Variants in TEX9 observed in about 807,000 individuals in gnomAD.
TEX9 encodes the protein testis-expressed protein 9.
In TEX9, 74 loss-of-function variants were observed where a neutral mutation model predicts 59.6. The ratio of observed to expected loss-of-function variants is 1.24; its 90% CI spans 1.03 to 1.51. TEX9 has a LOEUF of 1.51. TEX9 is among the 40% of genes most tolerant of loss of function. The pLI is 0.00. For synonymous variants in TEX9, 186 were observed against 152.2 expected (o/e 1.22, Z -1.64); for missense variants, 522 against 447.8 (o/e 1.17, Z -1.49).
the TEX9 span, among the ~76,000 whole-genome samples, chr15:56,451,234 C>T: frequency 1.3e-5 from 2 of 152,166 alleles, no homozygotes. Flanking sequence ...TAGGTTAGAA[C>T]AGATATACCC....
intron 12 of TEX9, among the ~76,000 whole-genome samples, chr15:56,443,078 T>C (rs2140355769): frequency 6.6e-6 from 1 of 152,302 alleles, no homozygotes; most frequent in Admixed American, 6.5e-5. Context: ...TTGCTTGTCC[T>C]GAAGTTGACT....
intron 1 of TEX9, among the ~76,000 whole-genome samples, chr15:56,319,088 A>G (rs2045845034): frequency 6.6e-6 from 1 of 152,040 alleles, no homozygotes; most frequent in Admixed American, 6.6e-5. Context: ...TATTGTTCAG[A>G]GAGGAAGTTT....
In TEX9 at chr15:56,426,923, T is replaced by A. The variant is rs572953844; in HGVS notation, c.964-682T>A. Among the ~76,000 whole-genome samples, 147 of 152,086 alleles carry A rather than the reference T, an allele frequency of 9.7e-4. 5 individuals are homozygous for A. The South Asian group carries it at 0.029, about 30-fold the overall frequency. ...TGTCATGGGAAGTGGGTAAATTCTC[T>A]GCTTAGCTAAAGGCCACAGCCATTT... is the stretch of plus-strand genomic sequence containing the variant. On this transcript the variant is annotated intron_variant, in intron 10 of 12. Coordinates refer to ENST00000352903, the Ensembl canonical transcript of TEX9.
Position 56,253,329 on chromosome 15 carries a change from C to T in TEX9, c.-107+9051C>T, listed in dbSNP as rs2141306108. 1.3e-5 allele frequency among the ~76,000 whole-genome samples: 2 copies of T among 152,258 alleles called. 1 individual carries two copies. Among genetic ancestry groups the T allele is most frequent in the South Asian group, 4.2e-4 (2 of 4,818 alleles). On this transcript the variant is annotated intron_variant, in intron 1 of 5. Coordinates refer to the TEX9 transcript ENST00000560827. ...AATCATAAAACAAGGAGAGGTTCAA[C>T]ACATGCTATGTCAGAGAGTCCTGGG...
upstream of TEX9, among the ~76,000 whole-genome samples, chr15:56,365,084 G>T (rs1322740850): frequency 6.6e-6 from 1 of 152,192 alleles, no homozygotes; most frequent in Non-Finnish European, 1.5e-5. Flanking sequence ...TAAGCAAACG[G>T]GGTGAAGGTC....
chr15:56,416,391 A>G (rs2049687359), intron 10 of TEX9, among the ~76,000 whole-genome samples: 2 of 151,942 alleles, frequency 1.3e-5, no homozygotes, highest in Admixed American at 1.3e-4. Context: ...TGTTCCTCCA[A>G]TATCTATGTT....
At chr15:56,259,726 A>C (rs2044221391) in intron 1 of TEX9, among the ~76,000 whole-genome samples, 1 of 152,044 alleles carries the variant, frequency 6.6e-6, no homozygotes, top group South Asian at 2.1e-4. Context: ...GGTCATTTGC[A>C]TTTCCATATA....
In TEX9 at chr15:56,351,573, G is replaced by T. The variant is rs374679950; in HGVS notation, c.-106-21868G>T. 6.6e-5 allele frequency among the ~76,000 whole-genome samples: 10 copies of T among 152,302 alleles called. No individual in the cohort carries two copies. The South Asian group carries it at 1.0e-3, about 16-fold the overall frequency. On this transcript the variant is annotated intron_variant, in intron 1 of 5. Coordinates refer to the TEX9 transcript ENST00000560827. ...TGTGTAAGGCTTCTTTGAATGGAGA[G>T]AATGGGAGAACAGCAGGAAAAGCCC...
At chr15:56,309,695 T>TTTTTTTG (rs2045562878) in intron 1 of TEX9, among the ~76,000 whole-genome samples, 1 of 21,862 alleles carries the variant, frequency 4.6e-5, no homozygotes, top group Admixed American at 4.9e-4. Context: ...TATGGGAAGT[T>TTTTTTTG]TTTTTTTTTT....
At chr15:56,265,155 TTTTC>T (rs1251895209) in intron 1 of TEX9, among the ~76,000 whole-genome samples, 3 of 151,650 alleles carry the variant, frequency 2.0e-5, no homozygotes, top group South Asian at 2.1e-4. Flanking sequence ...TCTGATTTCC[TTTTC>T]TTTCTTTTTT....
intron 1 of TEX9, among the ~76,000 whole-genome samples, chr15:56,319,318 T>C (rs1394314293): frequency 6.6e-6 from 1 of 151,266 alleles, no homozygotes; most frequent in Non-Finnish European, 1.5e-5. Context: ...GGGTTTTTAA[T>C]GATAATACTT....
At chr15:56,302,555 A>G (rs978169498) in intron 1 of TEX9, among the ~76,000 whole-genome samples, 6 of 152,122 alleles carry the variant, frequency 3.9e-5, no homozygotes, top group African/African-American at 1.2e-4. Context: ...CCTACGAAAG[A>G]TACACAAAAA....
downstream of TEX9, among the ~76,000 whole-genome samples, chr15:56,448,953 C>G (rs1399443575): frequency 6.6e-6 from 1 of 151,916 alleles, no homozygotes; most frequent in Non-Finnish European, 1.5e-5. Context: ...TGGAGTTACA[C>G]CATGTTGGCT....
At chr15:56,381,681 T>A (rs1362650617) in intron 3 of TEX9, among the ~76,000 whole-genome samples, 4 of 152,232 alleles carry the variant, frequency 2.6e-5, no homozygotes, top group Admixed American at 2.0e-4. Flanking sequence ...ACTCGTTCTC[T>A]TCCTTTATTT....
At chr15:56,412,129 TC>T (rs773321069) in intron 9 of TEX9, among the ~76,000 whole-genome samples, 172 bp from the exon 10 acceptor site, 2 of 152,242 alleles carry the variant, frequency 1.3e-5, no homozygotes, top group South Asian at 2.1e-4. Context: ...AGGCAAGAAT[TC>T]CTTGAGACCT....
intron 1 of TEX9, among the ~76,000 whole-genome samples, chr15:56,251,075 G>A (rs72740512): frequency 1.5e-3 from 233 of 152,186 alleles, no homozygotes; most frequent in Non-Finnish European, 2.4e-3. Context: ...TATGAAGTGG[G>A]CCAACCTGTC....
chr15:56,375,577 T>C (rs1366907041), intron 3 of TEX9, among the ~76,000 whole-genome samples: 31 of 152,316 alleles, frequency 2.0e-4, no homozygotes, highest in Non-Finnish European at 2.6e-4. Context: ...GTTTTAGACA[T>C]GAAGTCCTTG....
At chr15:56,257,226 T>C (rs1402821104) in intron 1 of TEX9, among the ~76,000 whole-genome samples, 1 of 152,124 alleles carries the variant, frequency 6.6e-6, no homozygotes, top group Non-Finnish European at 1.5e-5. Flanking sequence ...TTTGCTATTG[T>C]GAACAGTGCT....
intron 4 of TEX9, among the ~76,000 whole-genome samples, chr15:56,386,911 A>T (rs1206224338): frequency 6.6e-6 from 1 of 152,054 alleles, no homozygotes; most frequent in East Asian, 1.9e-4. Flanking sequence ...AGATAATTCT[A>T]TAAAGAAACC....
Sources: allele counts gnomAD v4.1 joint callset (sites outside exome capture counted in the v4.1 genomes callset), GRCh38; gene constraint gnomAD v4.1.1; transcripts MANE v1.5; gene names NCBI Gene and HGNC (gene_info 2026-07-23, HGNC 2026-07-21).